ASIC2: variants seen among roughly 807,000 people sequenced by gnomAD.
ASIC2 encodes acid-sensing ion channel 2.
Under a neutral mutation model 57.3 loss-of-function variants are expected in ASIC2, and 25 were observed. That is an observed-to-expected ratio of 0.44 (90% CI 0.32 to 0.61). The LOEUF is 0.61. Ranked by LOEUF, ASIC2 falls within the 20% of genes least tolerant of loss-of-function variation. The pLI is 0.06. For synonymous variants in ASIC2, 319 were observed against 307.5 expected, an observed-to-expected ratio of 1.04 and a Z score of -0.39; for missense variants, 641 against 738.1, an observed-to-expected ratio of 0.87 and a Z score of 1.52.
chr17:33,279,338 G>C (rs1014144310), intron 1 of ASIC2, among the ~76,000 whole-genome samples: 4 of 152,306 alleles, frequency 2.6e-5, no homozygotes, highest in African/African-American at 9.6e-5. Flanking sequence ...CAGAGGCAGA[G>C]ATGGTGAATC....
intron 1 of ASIC2, among the ~76,000 whole-genome samples, chr17:33,940,407 G>C (rs997335014): frequency 2.2e-5 from 3 of 135,970 alleles, no homozygotes; most frequent in African/African-American, 8.1e-5. Context: ...CACTGAGCAA[G>C]GCCTAATCTC....
intron 1 of ASIC2, among the ~76,000 whole-genome samples, chr17:33,544,929 A>AT (rs1271076242): frequency 6.6e-6 from 1 of 151,944 alleles, no homozygotes; most frequent in Non-Finnish European, 1.5e-5. Context: ...ATGGTGCAGC[A>AT]TTTTTAAAAG....
intron 1 of ASIC2, among the ~76,000 whole-genome samples, chr17:33,411,786 G>A (rs1440907736): frequency 2.0e-5 from 3 of 152,222 alleles, no homozygotes; most frequent in African/African-American, 7.2e-5. Context: ...TCTTTGGCCA[G>A]ACCATGATGA....
chr17:33,663,545 C>A (rs1305086773), intron 1 of ASIC2, among the ~76,000 whole-genome samples: 2 of 149,912 alleles, frequency 1.3e-5, no homozygotes. Context: ...TGTAAGGTGG[C>A]AGTAATTAAA....
chr17:33,634,702 C>A (rs1437857913), intron 1 of ASIC2: 1 of 130,104 alleles, frequency 7.7e-6, no homozygotes, highest in Non-Finnish European at 1.6e-5. Context: ...TTCTTTCTTT[C>A]TTTCTTTCTT....
At chr17:33,798,775 A>T (rs968366474) in intron 1 of ASIC2, among the ~76,000 whole-genome samples, 1 of 152,152 alleles carries the variant, frequency 6.6e-6, no homozygotes, top group Admixed American at 6.5e-5. Context: ...CCACTATCTA[A>T]TGCAAATCAA....
chr17:34,150,346 C>G (rs1246443409), intron 1 of ASIC2, among the ~76,000 whole-genome samples: 1 of 152,022 alleles, frequency 6.6e-6, no homozygotes, highest in Non-Finnish European at 1.5e-5. Flanking sequence ...GAGTTAATAA[C>G]AATATATTGA....
intron 1 of ASIC2, among the ~76,000 whole-genome samples, chr17:33,500,321 A>G (rs1914063638): frequency 6.6e-6 from 1 of 152,118 alleles, no homozygotes; most frequent in African/African-American, 2.4e-5. Context: ...GCAACTGCCA[A>G]CTCTGGGATC....
intron 1 of ASIC2, among the ~76,000 whole-genome samples, chr17:33,482,392 A>C (rs1216149127): frequency 6.6e-6 from 1 of 152,198 alleles, no homozygotes; most frequent in Non-Finnish European, 1.5e-5. Flanking sequence ...TCTGCACCAC[A>C]AACCTAACTC....
intron 1 of ASIC2, among the ~76,000 whole-genome samples, chr17:33,860,613 G>A (rs1914078369): frequency 6.6e-6 from 1 of 152,152 alleles, no homozygotes; most frequent in African/African-American, 2.4e-5. Context: ...AAAAAAGATT[G>A]GCAGCTAGGA....
intron 1 of ASIC2, among the ~76,000 whole-genome samples, chr17:33,874,655 A>G (rs1194647506): frequency 6.6e-6 from 1 of 152,080 alleles, no homozygotes; most frequent in Non-Finnish European, 1.5e-5. Context: ...TCATACCCCA[A>G]ACATCCTGAC....
chr17:33,880,074 C>A (rs1482478592), intron 1 of ASIC2, among the ~76,000 whole-genome samples: 1 of 152,132 alleles, frequency 6.6e-6, no homozygotes, highest in Non-Finnish European at 1.5e-5. Flanking sequence ...AAAGACACAA[C>A]ATACCAGAAT....
chr17:33,488,660 G>C (rs1220675545), intron 1 of ASIC2, among the ~76,000 whole-genome samples: 2 of 152,114 alleles, frequency 1.3e-5, no homozygotes, highest in East Asian at 3.9e-4. Flanking sequence ...CACAGTAAAA[G>C]ATTCTCCTGT....
At chr17:33,734,455 G>A (rs1377932245) in intron 1 of ASIC2, among the ~76,000 whole-genome samples, 1 of 152,032 alleles carries the variant, frequency 6.6e-6, no homozygotes, top group Non-Finnish European at 1.5e-5. Context: ...TGCCCCTCAT[G>A]TCCTTCCCAC....
intron 1 of ASIC2, among the ~76,000 whole-genome samples, chr17:33,798,994 C>A: frequency 6.6e-6 from 1 of 152,176 alleles, no homozygotes. Flanking sequence ...TCTCTGTGTC[C>A]CTGGAGCTGC....
At chr17:33,355,677 ATG>A in intron 1 of ASIC2, among the ~76,000 whole-genome samples, 1 of 152,180 alleles carries the variant, frequency 6.6e-6, no homozygotes, top group East Asian at 1.9e-4. Context: ...AGTTTCATAA[ATG>A]TTTGCTGAAT....
intron 1 of ASIC2, among the ~76,000 whole-genome samples, chr17:33,707,461 A>G (rs1908896363): frequency 6.6e-6 from 1 of 152,198 alleles, no homozygotes; most frequent in Non-Finnish European, 1.5e-5. Context: ...CTTTTCAAAT[A>G]CATATACAGA....
At chr17:33,320,911 G>A (rs1245394172) in intron 1 of ASIC2, among the ~76,000 whole-genome samples, 2 of 152,114 alleles carry the variant, frequency 1.3e-5, no homozygotes, top group Non-Finnish European at 1.5e-5. Flanking sequence ...AGGTCCTGTA[G>A]GCAGTACCAT....
At chr17:34,014,076 G>A (rs1906862911) in intron 1 of ASIC2, among the ~76,000 whole-genome samples, 1 of 152,280 alleles carries the variant, frequency 6.6e-6, no homozygotes, top group African/African-American at 2.4e-5. Flanking sequence ...GCTGCTCTTG[G>A]TTCATTACTG....
Sources: gnomAD v4.1 joint callset for allele counts (sites outside exome capture counted in the v4.1 genomes callset) on GRCh38, gnomAD v4.1.1 for gene constraint, MANE v1.5 for transcripts, NCBI Gene and HGNC (gene_info 2026-07-23, HGNC 2026-07-21) for gene names.